Variants in CRACD observed in about 807,000 individuals in gnomAD.
CRACD encodes capping protein inhibiting regulator of actin dynamics.
CRACD carries 56 observed loss-of-function variants against 106.8 expected under a neutral mutation model. The observed-to-expected ratio is 0.52, with a 90% CI of 0.42 to 0.66. The LOEUF (loss-of-function observed/expected upper bound fraction) is 0.66, where lower values mean the gene tolerates loss of function less well. CRACD is among the 30% of genes least tolerant of loss of function. The pLI, the probability that CRACD is intolerant of heterozygous loss-of-function variation, is 0.00. For missense variants in CRACD, 1,730 were observed against 1,623.2 expected, an observed-to-expected ratio of 1.07 and a Z score of -1.13; for synonymous variants, 754 against 670.8, an observed-to-expected ratio of 1.12 and a Z score of -1.92.
intron 1 of CRACD, among the ~76,000 whole-genome samples, chr4:56,098,997 A>G (rs1733692881): frequency 6.6e-6 from 1 of 152,162 alleles, no homozygotes; most frequent in African/African-American, 2.4e-5. Context: ...ATTCTTTACC[A>G]AGGTAAACAG....
chr4:56,321,022 C>G (rs951420726), intron 8 of CRACD: 2 of 175,696 alleles, frequency 1.1e-5, no homozygotes, highest in African/African-American at 4.8e-5. Context: ...ATTTGGGTCC[C>G]TTTTTGTCGC....
chr4:56,296,349 G>A (rs1744033255), intron 3 of CRACD, among the ~76,000 whole-genome samples: 2 of 152,068 alleles, frequency 1.3e-5, no homozygotes, highest in South Asian at 2.1e-4. Flanking sequence ...TTAAATCAAA[G>A]TAAGGGTTGA....
intron 2 of CRACD, among the ~76,000 whole-genome samples, chr4:56,241,713 G>A (rs1373226716): frequency 1.3e-5 from 2 of 152,158 alleles, no homozygotes; most frequent in African/African-American, 4.8e-5. Flanking sequence ...TGGGTGCCGT[G>A]GAAACACACA....
chr4:56,231,589 C>G (rs1271422262), intron 2 of CRACD, among the ~76,000 whole-genome samples: 2 of 152,134 alleles, frequency 1.3e-5, no homozygotes, highest in African/African-American at 4.8e-5. Flanking sequence ...ACCCAAATGC[C>G]TATCAACCTA....
intron 2 of CRACD, among the ~76,000 whole-genome samples, chr4:56,200,774 C>T (rs73240523): frequency 0.091 from 13,823 of 152,018 alleles, 927 homozygotes; most frequent in African/African-American, 0.18. Context: ...ACCCTCTGCC[C>T]GCACAGTGTA....
chr4:56,206,730 T>C (rs1259412100), intron 2 of CRACD, among the ~76,000 whole-genome samples: 3 of 152,192 alleles, frequency 2.0e-5, no homozygotes, highest in Admixed American at 2.0e-4. Flanking sequence ...CATACTTTTG[T>C]TTAAAAATTC....
chr4:56,112,331 G>C (rs1224387818), intron 1 of CRACD, among the ~76,000 whole-genome samples: 1 of 152,152 alleles, frequency 6.6e-6, no homozygotes, highest in African/African-American at 2.4e-5. Context: ...TTTTAAAGGT[G>C]GGGAGGCAGC....
Position 56,314,410 on chromosome 4 carries a change from C to CGGAGCGGAGGGAGCGGAGGGAGCGGAG in CRACD, c.923_924insGAGGGAGCGGAGGGAGCGGAGGGAGCG (p.Arg308_Glu309insArgGluArgArgGluArgArgGluArg), listed in dbSNP as rs11276076. The CGGAGCGGAGGGAGCGGAGGGAGCGGAG allele has an allele frequency of 2.9e-3, 4,460 of 1,541,090 alleles. 31 individuals carry two copies. The highest frequency in any genetic ancestry group is 0.01 in the African/African-American group (739 of 72,342). ...CTGGAAGCGCCAGGTTGGGAGGACG[C>CGGAGCGGAGGGAGCGGAGGGAGCGGAG]GGAGCGGAGGGAGCGTGAGGAGCGC... On this transcript the variant is annotated inframe_insertion, in exon 8 of 11. Transcript: ENST00000682029. This position sits in a 1 kb window ranked among gnomAD's most constrained non-coding sequence, Gnocchi z 4.4.
intron 1 of CRACD, among the ~76,000 whole-genome samples, chr4:56,132,131 C>A (rs1734844490): frequency 6.6e-6 from 1 of 152,078 alleles, no homozygotes; most frequent in South Asian, 2.1e-4. Flanking sequence ...GTAACCTTTA[C>A]CTTCCAGGCT....
intron 1 of CRACD, among the ~76,000 whole-genome samples, chr4:56,077,262 A>T (rs969971980): frequency 6.6e-6 from 1 of 152,210 alleles, no homozygotes; most frequent in African/African-American, 2.4e-5. Context: ...CAGCAGGGGA[A>T]GTGCCAGATG....
chr4:56,295,994 A>G (rs925056765), intron 3 of CRACD, among the ~76,000 whole-genome samples: 2 of 152,118 alleles, frequency 1.3e-5, no homozygotes, highest in Non-Finnish European at 2.9e-5. Context: ...AATTGCTGCT[A>G]TATGGTGCCC....
At chr4:56,209,655 A>G (rs1738300808) in intron 2 of CRACD, among the ~76,000 whole-genome samples, 2 of 152,172 alleles carry the variant, frequency 1.3e-5, no homozygotes. Context: ...GCTTCTCTAT[A>G]CCATACAAAA....
chr4:56,315,375 G>A lies in CRACD; in HGVS notation c.1873G>A (p.Glu625Lys), dbSNP rs1248725099. The A allele has an allele frequency of 1.2e-6, 2 of 1,613,318 alleles. No homozygotes were observed. The highest frequency in any genetic ancestry group is 1.7e-6 in the Non-Finnish European group (2 of 1,179,904). Residue 625 changes from glutamate (E) to lysine (K), a missense_variant, in exon 8 of 11, where the codon GAG becomes AAG. By Grantham distance (56) the Glu-to-Lys change is moderately conservative (BLOSUM62 1). Transcript: ENST00000682029. The surrounding 1 kb of genome is among the most constrained non-coding windows in gnomAD (Gnocchi z 4.1). Reference sequence around the variant, plus strand: ...CGCGTGCAAGTCCCTCCTGGGCTTGGAGGAGAAGAAGCACGCGGAAGCCCC... The same window carrying A: ...CGCGTGCAAGTCCCTCCTGGGCTTGAAGGAGAAGAAGCACGCGGAAGCCCC... ...DTACKSLLGL[E>K]EKKHAEAPAG...
At chr4:56,247,191 C>CTACA (rs1188430279) in intron 2 of CRACD, among the ~76,000 whole-genome samples, 2 of 152,130 alleles carry the variant, frequency 1.3e-5, no homozygotes, top group Admixed American at 6.5e-5. Flanking sequence ...CCTTTGCACA[C>CTACA]TACAGCCTCT....
At chr4:56,282,523 A>C (rs1244699683) in intron 3 of CRACD, among the ~76,000 whole-genome samples, 1 of 152,236 alleles carries the variant, frequency 6.6e-6, no homozygotes. Flanking sequence ...AACTACTAGC[A>C]TCTTCAACAG....
At chr4:56,064,452 A>G (rs941195011) in intron 1 of CRACD, among the ~76,000 whole-genome samples, 7 of 152,180 alleles carry the variant, frequency 4.6e-5, no homozygotes, top group African/African-American at 1.7e-4. Flanking sequence ...GGACCAGCAC[A>G]CTTTTCAAAG....
chr4:56,193,904 A>G (rs184752465), intron 2 of CRACD, among the ~76,000 whole-genome samples: 95 of 152,098 alleles, frequency 6.2e-4, no homozygotes, highest in African/African-American at 2.2e-3. Context: ...TTCTTTTTCT[A>G]TCCTCTGTTT....
At chr4:56,326,154 C>A (rs1451713523) in intron 10 of CRACD, among the ~76,000 whole-genome samples, 1 of 152,166 alleles carries the variant, frequency 6.6e-6, no homozygotes, top group Admixed American at 6.5e-5. Context: ...TCAAGTGATC[C>A]GCCCACCTCG....
intron 1 of CRACD, among the ~76,000 whole-genome samples, chr4:56,167,040 A>G (rs1048996109): frequency 3.3e-5 from 5 of 152,170 alleles, no homozygotes; most frequent in Non-Finnish European, 7.3e-5. Flanking sequence ...GTCTTGAAAA[A>G]ACTACACTGA....
Sources: gnomAD v4.1 joint callset for allele counts (sites outside exome capture counted in the v4.1 genomes callset) on GRCh38, gnomAD v4.1.1 for gene constraint, Gnocchi (gnomAD v3.1) non-coding constraint, MANE v1.5 for transcripts, NCBI Gene and HGNC (gene_info 2026-07-23, HGNC 2026-07-21) for gene names.